Variants in ETS1 observed in about 807,000 individuals in gnomAD.
ETS1 encodes ETS proto-oncogene 1, transcription factor.
A neutral mutation model predicts 58.6 loss-of-function variants in ETS1; 15 were observed. The ratio of observed to expected loss-of-function variants is 0.26; its 90% confidence interval spans 0.17 to 0.39. The LOEUF (loss-of-function observed/expected upper bound fraction) is 0.39, where lower values mean the gene tolerates loss of function less well. ETS1 is among the 10% of genes least tolerant of loss of function. The probability of loss-of-function intolerance (pLI) is 1.00; values close to 1 mark genes in which losing one functional copy is unlikely to be tolerated. For missense variants in ETS1, 417 were observed against 610.5 expected (o/e 0.68, Z 3.34); for synonymous variants, 214 against 218.2 (o/e 0.98, Z 0.17).
intron 3 of ETS1, among the ~76,000 whole-genome samples, chr11:128,527,774 C>T (rs908986249): frequency 1.3e-5 from 2 of 152,194 alleles, no homozygotes; most frequent in Admixed American, 1.3e-4. Context: ...AGGCTAAGGC[C>T]TTCCTCTGAT....
At chr11:128,547,808 A>G (rs922899606) in intron 3 of ETS1, among the ~76,000 whole-genome samples, 2 of 152,086 alleles carry the variant, frequency 1.3e-5, no homozygotes, top group South Asian at 2.1e-4. Context: ...AATAGGGATG[A>G]TGGGGAGGGT....
intron 2 of ETS1, among the ~76,000 whole-genome samples, chr11:128,568,386 C>T (rs1490415192): frequency 6.6e-6 from 1 of 152,226 alleles, no homozygotes; most frequent in Non-Finnish European, 1.5e-5. Flanking sequence ...AAGTACTGGG[C>T]TTGCAAGGGA....
intron 3 of ETS1, among the ~76,000 whole-genome samples, chr11:128,497,910 T>G (rs1024371631): frequency 6.7e-6 from 1 of 150,112 alleles, no homozygotes; most frequent in Admixed American, 6.6e-5. Context: ...CCCTTGGTCC[T>G]GTAGCTAAAT....
intron 3 of ETS1, among the ~76,000 whole-genome samples, chr11:128,507,800 G>A (rs1036399349): frequency 9.8e-5 from 15 of 152,332 alleles, no homozygotes; most frequent in African/African-American, 3.6e-4. Context: ...CTCAGGAAAT[G>A]ACGCCTGGGA....
Position 128,461,371 on chromosome 11 carries a change from A to C in ETS1, c.*990T>G, listed in dbSNP as rs1003151911. On this transcript the variant is annotated 3_prime_UTR_variant, in exon 10 of 10. Coordinates refer to ENST00000392668, the MANE Select transcript of ETS1 (RefSeq NM_001143820.2). ...CTTCGATCTCCCTTCCAGGACTTCA[A>C]CAGTGCTCCTACGTTTACTGTCGTC... The C allele has an allele frequency of 2.0e-5, 3 of 152,810 alleles. No homozygotes were observed. The highest frequency in any genetic ancestry group is 7.2e-5 in the African/African-American group (3 of 41,450). 9.5% of individuals were successfully genotyped at this position (152,810 alleles called of 1,614,324 possible).
intron 3 of ETS1, among the ~76,000 whole-genome samples, chr11:128,524,275 G>A (rs1863757991): frequency 2.0e-5 from 3 of 152,166 alleles, no homozygotes; most frequent in Admixed American, 2.0e-4. Context: ...CTTCCATAGT[G>A]ACAACTCAGA....
chr11:128,491,456 C>T (rs1246314902), intron 3 of ETS1, among the ~76,000 whole-genome samples: 2 of 152,192 alleles, frequency 1.3e-5, no homozygotes, highest in African/African-American at 2.4e-5. Flanking sequence ...CTGAAGGAAA[C>T]AGGAAAGGCC....
intron 1 of ETS1, among the ~76,000 whole-genome samples, chr11:128,585,164 GA>G (rs1864988994): frequency 5.3e-4 from 13 of 24,660 alleles, no homozygotes; most frequent in African/African-American, 2.8e-3. Flanking sequence ...AAGAAAGAAA[GA>G]AAGAGAAAGA....
At chr11:128,528,334 A>G (rs1294099742) in intron 3 of ETS1, among the ~76,000 whole-genome samples, 1 of 152,192 alleles carries the variant, frequency 6.6e-6, no homozygotes, top group East Asian at 1.9e-4. Flanking sequence ...GGATCTCAGG[A>G]GGTCACAGAA....
At chr11:128,569,144 T>A (rs1035537716) in intron 2 of ETS1, among the ~76,000 whole-genome samples, 1 of 152,066 alleles carries the variant, frequency 6.6e-6, no homozygotes, top group Admixed American at 6.6e-5. Context: ...TTCAGTTACA[T>A]CCCTGGCTTC....
chr11:128,558,210 G>C (rs770121138), intron 2 of ETS1, among the ~76,000 whole-genome samples: 45 of 152,220 alleles, frequency 3.0e-4, no homozygotes, highest in Non-Finnish European at 4.6e-4. Flanking sequence ...TGCATCGAAG[G>C]CTAACATCCT....
rs58228263 is a variant in ETS1, at chr11:128,464,355, GACAC to G, written c.1124-732_1124-729del. Among the ~76,000 whole-genome samples the G allele has an allele frequency of 0.036, 5,212 of 144,920 alleles. 91 individuals are homozygous for G. The highest frequency in any genetic ancestry group is 0.09 in the Middle Eastern group (26 of 288). ...CATAGGTTCAGTATATTCTAAATTAGACACACACACACACACACACACACACACA... is the reference window on the plus strand; with the variant it reads ...CATAGGTTCAGTATATTCTAAATTAGACACACACACACACACACACACACA... On this transcript the variant is annotated intron_variant, in intron 8 of 9. Coordinates refer to ENST00000392668, the MANE Select transcript of ETS1 (RefSeq NM_001143820.2). The surrounding 1 kb of genome is among the most constrained non-coding windows in gnomAD (Gnocchi z 4.1).
chr11:128,478,797 C>T (rs151194090), intron 8 of ETS1, among the ~76,000 whole-genome samples: 44 of 152,256 alleles, frequency 2.9e-4, no homozygotes, highest in African/African-American at 1.0e-3. Context: ...TTCCTCATCC[C>T]AGACGTTTTT....
intron 5 of ETS1, 83 bp downstream of exon 5, chr11:128,489,207 C>G: frequency 8.6e-7 from 1 of 1,160,784 alleles, no homozygotes; most frequent in Non-Finnish European, 1.3e-6. Context: ...AAGGCATTGA[C>G]GTCCCACCAT....
chr11:128,484,670 T>G, intron 7 of ETS1, 153 bp downstream of exon 7: 4 of 642,398 alleles, frequency 6.2e-6, no homozygotes, highest in Non-Finnish European at 1.0e-5. Flanking sequence ...GATGGAAAGT[T>G]CTTAGTATCT....
At chr11:128,516,725 A>G (rs1863534925) in intron 3 of ETS1, among the ~76,000 whole-genome samples, 2 of 152,244 alleles carry the variant, frequency 1.3e-5, no homozygotes, top group African/African-American at 4.8e-5. Context: ...TTTTAAAAAA[A>G]ACTAAATTTT....
intron 6 of ETS1, 128 bp downstream of exon 6, chr11:128,485,941 A>G (rs1176456810): frequency 3.1e-6 from 2 of 635,850 alleles, no homozygotes; most frequent in Non-Finnish European, 5.6e-6. Flanking sequence ...AGTAACAAAG[A>G]AGAGTCTACA....
chr11:128,569,583 G>T (rs922120545), intron 2 of ETS1, among the ~76,000 whole-genome samples: 1 of 151,912 alleles, frequency 6.6e-6, no homozygotes, highest in Non-Finnish European at 1.5e-5. Context: ...TAGTGCCAAT[G>T]TCCTAAGGTT....
intron 3 of ETS1, among the ~76,000 whole-genome samples, chr11:128,495,105 AGGT>A (rs1862903058): frequency 1.3e-5 from 2 of 152,214 alleles, no homozygotes; most frequent in African/African-American, 4.8e-5. Context: ...GGGCCTGGAA[AGGT>A]ATCACAAGGT....
Sources: allele counts gnomAD v4.1 joint callset (sites outside exome capture counted in the v4.1 genomes callset), GRCh38; gene constraint gnomAD v4.1.1; non-coding constraint Gnocchi (gnomAD v3.1); transcripts MANE v1.5; gene names NCBI Gene and HGNC (gene_info 2026-07-23, HGNC 2026-07-21).